Variants in DLGAP2 observed in about 807,000 individuals in gnomAD.
DLGAP2 encodes DLG associated protein 2, also known as disks large-associated protein 2.
Under a neutral mutation model 100.3 loss-of-function variants are expected in DLGAP2, and 26 were observed. The ratio of observed to expected loss-of-function variants is 0.26; its 90% confidence interval spans 0.19 to 0.36. The LOEUF (loss-of-function observed/expected upper bound fraction) is 0.36. DLGAP2 is among the 10% of genes least tolerant of loss of function. The pLI is 1.00. For synonymous variants in DLGAP2, 886 were observed against 630.1 expected, an observed-to-expected ratio of 1.41 and a Z score of -6.08; for missense variants, 1,858 against 1,453.2, an observed-to-expected ratio of 1.28 and a Z score of -4.53.
chr8:1,326,033 TG>T (rs1255551808), intron 3 of DLGAP2, among the ~76,000 whole-genome samples: 1 of 152,228 alleles, frequency 6.6e-6, no homozygotes, highest in Non-Finnish European at 1.5e-5. Flanking sequence ...AATGAAAAGA[TG>T]GGCCATTTGT....
chr8:1,094,735 C>A (rs1413220320), intron 2 of DLGAP2, among the ~76,000 whole-genome samples: 1 of 152,216 alleles, frequency 6.6e-6, no homozygotes, highest in Non-Finnish European at 1.5e-5. Context: ...CGTGCCTCCC[C>A]CTCTTTCTCT....
chr8:862,295 T>G (rs1192237509), intron 1 of DLGAP2, among the ~76,000 whole-genome samples: 1 of 148,138 alleles, frequency 6.8e-6, no homozygotes, highest in Non-Finnish European at 1.5e-5. Flanking sequence ...AGGATTGGAC[T>G]CCAGTTTTTT....
chr8:1,181,482 G>C (rs973826786), intron 2 of DLGAP2, among the ~76,000 whole-genome samples: 2 of 152,004 alleles, frequency 1.3e-5, no homozygotes, highest in Admixed American at 1.3e-4. Flanking sequence ...CCTCTAAGTG[G>C]AGCTGAATGA....
intron 2 of DLGAP2, among the ~76,000 whole-genome samples, chr8:1,178,920 G>C (rs911765598): frequency 3.9e-5 from 6 of 152,144 alleles, no homozygotes; most frequent in Non-Finnish European, 2.9e-5. Flanking sequence ...CCTTCAGCCT[G>C]GGCACACCGG....
intron 2 of DLGAP2, among the ~76,000 whole-genome samples, chr8:1,061,622 A>G (rs112972761): frequency 7.9e-5 from 12 of 152,056 alleles, no homozygotes; most frequent in African/African-American, 2.9e-4. Flanking sequence ...GAAACGCCCC[A>G]AACTGTTGCT....
intron 10 of DLGAP2, among the ~76,000 whole-genome samples, chr8:1,675,568 G>A (rs1030483127): frequency 4.6e-5 from 7 of 152,196 alleles, no homozygotes; most frequent in African/African-American, 1.2e-4. Context: ...AAATGTTAAC[G>A]TGCAGCTCCT....
At chr8:1,019,958 C>T (rs550840794) in intron 2 of DLGAP2, among the ~76,000 whole-genome samples, 22 of 152,132 alleles carry the variant, frequency 1.4e-4, no homozygotes, top group East Asian at 5.8e-4. Context: ...CCCAGCAGCA[C>T]GATAAAATCA....
rs148225843 is a variant in DLGAP2, at chr8:1,653,316, C to T, written c.1811-15013C>T. Among the ~76,000 whole-genome samples, 286 of 152,286 alleles carry T rather than the reference C, an allele frequency of 1.9e-3. 3 individuals carry two copies. Among genetic ancestry groups the T allele is most frequent in the Admixed American group, 0.016 (248 of 15,300 alleles). Reference sequence around the variant, plus strand: ...TGGCCCTGCGGGTGGGGTAGGGAGCCGACAATCCTCACCCCGCTCACGGGG... The same window carrying T: ...TGGCCCTGCGGGTGGGGTAGGGAGCTGACAATCCTCACCCCGCTCACGGGG... On this transcript the variant is annotated intron_variant, in intron 8 of 14. Coordinates refer to ENST00000637795, the MANE Select transcript of DLGAP2 (RefSeq NM_001346810.2).
At chr8:1,699,364 G>T (rs1021043450) in intron 14 of DLGAP2, among the ~76,000 whole-genome samples, 1 of 151,804 alleles carries the variant, frequency 6.6e-6, no homozygotes, top group Non-Finnish European at 1.5e-5. Context: ...CCAGCACTTC[G>T]GGAGGCCTAG....
intron 3 of DLGAP2, among the ~76,000 whole-genome samples, chr8:1,489,122 A>C (rs970468303): frequency 6.6e-6 from 1 of 152,208 alleles, no homozygotes; most frequent in African/African-American, 2.4e-5. Flanking sequence ...TGCCCAAGAA[A>C]ATATGTCCTC....
chr8:982,378 T>G (rs1001995645), intron 2 of DLGAP2, among the ~76,000 whole-genome samples: 1 of 152,262 alleles, frequency 6.6e-6, no homozygotes, highest in Non-Finnish European at 1.5e-5. Flanking sequence ...TTTTTGTGGC[T>G]TCTTTACTCT....
chr8:1,356,850 A>G (rs1035895754), intron 3 of DLGAP2, among the ~76,000 whole-genome samples: 3 of 152,176 alleles, frequency 2.0e-5, no homozygotes, highest in African/African-American at 4.8e-5. Context: ...AGTAAGGATA[A>G]CAGCCAAGCC....
At chr8:1,322,635 G>A (rs955678048) in intron 3 of DLGAP2, among the ~76,000 whole-genome samples, 5 of 151,362 alleles carry the variant, frequency 3.3e-5, no homozygotes, top group Admixed American at 6.6e-5. Flanking sequence ...GTGATTTCAC[G>A]TGTATTGTTC....
intron 3 of DLGAP2, among the ~76,000 whole-genome samples, chr8:1,391,390 A>G (rs1242888193): frequency 1.3e-5 from 2 of 152,202 alleles, no homozygotes; most frequent in Non-Finnish European, 2.9e-5. Flanking sequence ...GGATCTGTGC[A>G]GAGGCACGCG....
intron 3 of DLGAP2, among the ~76,000 whole-genome samples, chr8:1,321,163 A>G (rs1332879495): frequency 8.0e-6 from 1 of 124,462 alleles, no homozygotes; most frequent in Non-Finnish European, 1.7e-5. Context: ...CCGTGCCCGT[A>G]TGTGTCTGCG....
chr8:994,482 G>C (rs189760086), intron 2 of DLGAP2, among the ~76,000 whole-genome samples: 1 of 152,208 alleles, frequency 6.6e-6, no homozygotes, highest in Non-Finnish European at 1.5e-5. Flanking sequence ...TTACAGGCAT[G>C]AGCCACTGCA....
At chr8:1,197,265 T>G (rs370644439) in intron 2 of DLGAP2, among the ~76,000 whole-genome samples, 4 of 152,214 alleles carry the variant, frequency 2.6e-5, no homozygotes, top group Non-Finnish European at 5.9e-5. Flanking sequence ...CCGGAAGTCA[T>G]GTTTCACCAG....
At chr8:1,087,906 A>C (rs1390612483) in intron 2 of DLGAP2, among the ~76,000 whole-genome samples, 1 of 152,210 alleles carries the variant, frequency 6.6e-6, no homozygotes, top group Non-Finnish European at 1.5e-5. Context: ...CCATGTCACC[A>C]GGTCCCCACC....
intron 2 of DLGAP2, among the ~76,000 whole-genome samples, chr8:1,215,887 C>T (rs368764756): frequency 8.1e-6 from 1 of 123,814 alleles, no homozygotes; most frequent in Non-Finnish European, 1.7e-5. Context: ...CCAGGTACCT[C>T]CATGGGTTCA....
Sources: gnomAD v4.1 joint callset for allele counts (sites outside exome capture counted in the v4.1 genomes callset) on GRCh38, gnomAD v4.1.1 for gene constraint, MANE v1.5 for transcripts, NCBI Gene and HGNC (gene_info 2026-07-23, HGNC 2026-07-21) for gene names.